Variants in PTK7 observed in about 807,000 individuals in gnomAD.
PTK7 encodes protein tyrosine kinase 7 (inactive).
A neutral mutation model predicts 116.6 loss-of-function variants in PTK7; 39 were observed. The ratio of observed to expected loss-of-function variants is 0.33; its 90% CI spans 0.26 to 0.44. The LOEUF (loss-of-function observed/expected upper bound fraction) is 0.44. PTK7 is among the 20% of genes least tolerant of loss of function. The probability of loss-of-function intolerance (pLI) is 1.00; values close to 1 mark genes in which losing one functional copy is unlikely to be tolerated. For missense variants in PTK7, 1,169 were observed against 1,425.6 expected (o/e 0.82, Z 2.90); for synonymous variants, 546 against 563.6 (o/e 0.97, Z 0.44).
In PTK7 at chr6:43,138,860, T is replaced by C. The variant is rs1770208369; in HGVS notation, c.1240T>C (p.Trp414Arg). Residue 414 changes from tryptophan (W) to arginine (R), a missense_variant, in exon 8 of 20, where the codon TGG becomes CGG. By Grantham distance (101) the Trp-to-Arg change is moderately radical. Coordinates refer to ENST00000230419, the MANE Select transcript of PTK7 (RefSeq NM_002821.5). Reference protein sequence around the residue: ...VNITVATVPSWLKKPQDSQLE... With the variant: ...VNITVATVPSRLKKPQDSQLE... ...TCCTGTCTGTCTAGCTGTGCCCTCC[T>C]GGCTGAAGAAGCCCCAAGACAGCCA... 6.2e-7 allele frequency: 1 copy of C among 1,613,348 alleles called. No individual in the cohort carries two copies. The highest frequency in any genetic ancestry group is 8.5e-7 in the Non-Finnish European group (1 of 1,179,660).
chr6:43,128,023 TG>T (rs1769403920), intron 1 of PTK7, among the ~76,000 whole-genome samples: 2 of 152,240 alleles, frequency 1.3e-5, no homozygotes, highest in Middle Eastern at 3.4e-3. Context: ...AGTGATGGGT[TG>T]GGTTTTTTCA....
rs537870500 is a variant in PTK7, at chr6:43,144,173, A to G, written c.2252-278A>G. On this transcript the variant is annotated intron_variant, in intron 14 of 19. Transcript: ENST00000230419. The stretch of plus-strand genomic sequence containing the variant: ...AAAAATCCTTATGTGTAGCTATGGT[A>G]TTAAGGACCAGTGATTCAGATTAGA... The G allele has an allele frequency of 2.2e-5, 10 of 449,994 alleles. No homozygotes were observed. The Middle Eastern group carries it at 2.4e-3, about 109-fold the overall frequency. The allele number at this position is 449,994 out of a possible 1,614,324, so 27.9% of individuals were successfully genotyped here.
intron 1 of PTK7, among the ~76,000 whole-genome samples, chr6:43,100,755 T>A (rs933032528): frequency 6.6e-6 from 1 of 152,214 alleles, no homozygotes; most frequent in African/African-American, 2.4e-5. Flanking sequence ...TTTGTGTGGT[T>A]ACCAGAGAAC....
intron 1 of PTK7, among the ~76,000 whole-genome samples, chr6:43,087,912 G>A (rs1433366973): frequency 6.6e-6 from 1 of 152,210 alleles, no homozygotes; most frequent in African/African-American, 2.4e-5. Flanking sequence ...TGGGTGCAAA[G>A]GGTGCTGTAA....
In PTK7 at chr6:43,156,478, A is replaced by G. The variant is rs565057545; in HGVS notation, c.2722-2339A>G. 9.9e-5 allele frequency among the ~76,000 whole-genome samples: 15 copies of G among 152,074 alleles called. No homozygotes were observed. The East Asian group carries it at 2.9e-3, about 30-fold the overall frequency. ...AATAAAAAAGGCTGGGATTGATGGT[A>G]CACATTTTTGTCCCAGCTACACAGG... On this transcript the variant is annotated intron_variant, in intron 17 of 19. Coordinates refer to ENST00000230419, the MANE Select transcript of PTK7 (RefSeq NM_002821.5).
Position 43,142,051 on chromosome 6 carries a change from G to A in PTK7, c.1889G>A (p.Arg630His), listed in dbSNP as rs373575913. 200 of 1,613,640 alleles carry A rather than the reference G, an allele frequency of 1.2e-4. 1 individual carries two copies. Among genetic ancestry groups the A allele is most frequent in the Non-Finnish European group, 1.6e-4 (191 of 1,179,932 alleles). ...KPLIQWKGKD[R>H]ILDPTKLGPR... is the part of the protein sequence containing the mutation. ...CTGATTCAGTGGAAAGGCAAGGACC[G>A]CATCCTGGACCCCACCAAGCTGGGA... is the stretch of plus-strand genomic sequence containing the variant. Residue 630 changes from arginine (R) to histidine (H), a missense_variant, in exon 12 of 20, where the codon CGC (arginine) becomes CAC (histidine). Coordinates refer to ENST00000230419, the MANE Select transcript of PTK7 (RefSeq NM_002821.5).
intron 5 of PTK7, among the ~76,000 whole-genome samples, 164 bp downstream of exon 5, chr6:43,130,825 A>G (rs1053390105): frequency 1.1e-4 from 17 of 152,154 alleles, no homozygotes; most frequent in Non-Finnish European, 1.2e-4. Flanking sequence ...TGAGTCTGAC[A>G]CAGGGAAGAG....
At position 43,130,585 on chromosome 6, in the gene PTK7, T is replaced by C; in HGVS notation, c.736T>C (p.Cys246Arg). 1 of 1,614,136 alleles carries C rather than the reference T, an allele frequency of 6.2e-7. No individual in the cohort carries two copies. Among genetic ancestry groups the C allele is most frequent in the Non-Finnish European group, 8.5e-7 (1 of 1,179,998 alleles). ...GAGGTATGAGGAGGCCATGTTCCAT[T>C]GCCAGTTCTCAGCCCAGCCACCCCC... ...VARYEEAMFH[C>R]QFSAQPPPSL... The change falls in exon 5 of 20, where the codon TGC becomes CGC. Residue 246 changes from cysteine (C) to arginine (R), a missense_variant. By Grantham distance (180) the Cys-to-Arg change is radical (BLOSUM62 -3). Around this residue, in one of 3 missense-constraint regions of PTK7, gnomAD observed 487 missense variants for 549.8 expected, o/e 0.89. Transcript: ENST00000230419.
chr6:43,090,894 T>G (rs3805940), intron 1 of PTK7, among the ~76,000 whole-genome samples: 2,803 of 152,166 alleles, frequency 0.018, 79 homozygotes, highest in African/African-American at 0.061. Flanking sequence ...TTTCTTTTTT[T>G]TTGTTGTTGT....
At chr6:43,154,867 C>T (rs1476522711) in intron 17 of PTK7, among the ~76,000 whole-genome samples, 1 of 152,248 alleles carries the variant, frequency 6.6e-6, no homozygotes, top group African/African-American at 2.4e-5. Flanking sequence ...GCAGACAGTC[C>T]ATCAGCAGTG....
At chr6:43,110,504 T>C (rs956039684) in intron 1 of PTK7, among the ~76,000 whole-genome samples, 6 of 151,980 alleles carry the variant, frequency 3.9e-5, no homozygotes, top group Non-Finnish European at 5.9e-5. Flanking sequence ...CCTCCGCCTC[T>C]GGGTTCAAGC....
intron 1 of PTK7, among the ~76,000 whole-genome samples, chr6:43,126,210 C>T (rs922458247): frequency 1.1e-4 from 17 of 152,106 alleles, no homozygotes; most frequent in Admixed American, 3.3e-4. Context: ...ATCCCAGCTA[C>T]TCGGGAGGCT....
At chr6:43,151,086 G>T (rs1333042251) in intron 17 of PTK7, among the ~76,000 whole-genome samples, 1 of 152,060 alleles carries the variant, frequency 6.6e-6, no homozygotes, top group Non-Finnish European at 1.5e-5. Flanking sequence ...CTCCCAGAGT[G>T]CTGGGAATAT....
At chr6:43,154,773 G>A (rs1378863787) in intron 17 of PTK7, among the ~76,000 whole-genome samples, 3 of 152,256 alleles carry the variant, frequency 2.0e-5, no homozygotes, top group African/African-American at 7.2e-5. Flanking sequence ...CTGGGAGCCA[G>A]GCGGGGAAGC....
In PTK7 at chr6:43,145,170, G is replaced by A. The variant is rs1296721818; in HGVS notation, c.2408-30G>A. ...AGGAGCTGCCTCGGCCTGGGTGAAGGTGGCTGGCTGACTCAGACTGTACCC... is the reference window on the plus strand; with the variant it reads ...AGGAGCTGCCTCGGCCTGGGTGAAGATGGCTGGCTGACTCAGACTGTACCC... On this transcript the variant is annotated intron_variant, in intron 15 of 19. Coordinates refer to ENST00000230419, the MANE Select transcript of PTK7 (RefSeq NM_002821.5). The surrounding 1 kb of genome is among the most constrained non-coding windows in gnomAD (Gnocchi z 4.8). 1.3e-6 allele frequency: 2 copies of A among 1,562,428 alleles called. No individual in the cohort carries two copies. Among genetic ancestry groups the A allele is most frequent in the African/African-American group, 2.7e-5 (2 of 73,900 alleles).
intron 7 of PTK7, 144 bp from the exon 8 acceptor site, chr6:43,138,704 TC>T (rs1770195377): frequency 2.5e-6 from 3 of 1,193,440 alleles, no homozygotes; most frequent in Non-Finnish European, 3.4e-6. Flanking sequence ...ACCTGGGTCT[TC>T]CGTAAAGGGA....
chr6:43,135,340 T>G (rs1035663478), intron 7 of PTK7, among the ~76,000 whole-genome samples: 7 of 152,180 alleles, frequency 4.6e-5, no homozygotes, highest in African/African-American at 1.4e-4. Flanking sequence ...TGCTAGCTCT[T>G]CCCAGTACTG....
intron 1 of PTK7, among the ~76,000 whole-genome samples, chr6:43,119,421 G>A (rs980718164): frequency 6.6e-6 from 1 of 152,198 alleles, no homozygotes; most frequent in Non-Finnish European, 1.5e-5. Flanking sequence ...TGCTTCTGCG[G>A]GAAGGACCAT....
intron 14 of PTK7, chr6:43,144,220 C>T: frequency 1.8e-6 from 1 of 556,064 alleles, no homozygotes; most frequent in South Asian, 2.3e-5. Flanking sequence ...GGCTTCATCT[C>T]AGAGGTCATA....
Sources: allele counts gnomAD v4.1 joint callset (sites outside exome capture counted in the v4.1 genomes callset), GRCh38; gene constraint gnomAD v4.1.1; regional missense constraint gnomAD v4.1.1; non-coding constraint Gnocchi (gnomAD v3.1); transcripts MANE v1.5; gene names NCBI Gene and HGNC (gene_info 2026-07-23, HGNC 2026-07-21).